TTC28: variants seen among roughly 807,000 people sequenced by gnomAD.
TTC28 encodes the protein tetratricopeptide repeat domain 28.
TTC28 carries 61 observed loss-of-function variants against 198.0 expected under a neutral mutation model. That is an observed-to-expected ratio of 0.31 (90% CI 0.25 to 0.38). The LOEUF (loss-of-function observed/expected upper bound fraction) is 0.38. Ranked by LOEUF, TTC28 falls within the 10% of genes least tolerant of loss-of-function variation. TTC28 has a pLI of 1.00. For synonymous variants in TTC28, 1,171 were observed against 1,297.8 expected (o/e 0.90, Z 2.10); for missense variants, 2,678 against 3,164.0 (o/e 0.85, Z 3.69).
intron 2 of TTC28, among the ~76,000 whole-genome samples, chr22:28,479,065 G>A (rs758172972): frequency 6.6e-5 from 10 of 151,968 alleles, no homozygotes; most frequent in Non-Finnish European, 8.8e-5. Context: ...CTCATTGTAC[G>A]TGTTCAAAGA....
At chr22:28,279,693 C>T (rs1175632084) in intron 5 of TTC28, among the ~76,000 whole-genome samples, 2 of 152,132 alleles carry the variant, frequency 1.3e-5, no homozygotes, top group African/African-American at 4.8e-5. Context: ...TTGACACACA[C>T]ATACACCTAG....
chr22:28,515,259 T>G (rs1026075203), intron 2 of TTC28, among the ~76,000 whole-genome samples: 6 of 152,172 alleles, frequency 3.9e-5, no homozygotes, highest in African/African-American at 1.4e-4. Flanking sequence ...TATTTAAAAA[T>G]TACTATATGG....
rs141741197 is a variant in TTC28, at chr22:28,630,637, C to T, written c.103-807G>A. On this transcript the variant is annotated intron_variant, in intron 1 of 22. Coordinates refer to ENST00000397906, the MANE Select transcript of TTC28 (RefSeq NM_001145418.2). ...GGCCAAATATTCCTTTATAGCCACA[C>T]AAAACAGACTAAGACATCATCTGAA... 4.5e-4 allele frequency among the ~76,000 whole-genome samples: 69 copies of T among 152,206 alleles called. No homozygotes were observed. The East Asian group carries it at 0.011, about 24-fold the overall frequency.
intron 2 of TTC28, among the ~76,000 whole-genome samples, chr22:28,355,248 T>C (rs1051613346): frequency 1.3e-5 from 2 of 152,004 alleles, no homozygotes; most frequent in African/African-American, 4.8e-5. Context: ...TGGAGGAAAA[T>C]ATTTCTAAAA....
rs34261097 is a variant in TTC28 at position 28,524,459 on chromosome 22, C to CAA, written c.381+105091_381+105092dup. 1.9e-3 allele frequency among the ~76,000 whole-genome samples: 115 copies of CAA among 59,192 alleles called. 2 individuals are homozygous for CAA. The highest frequency in any genetic ancestry group is 8.8e-3 in the East Asian group (19 of 2,148). The allele number at this position is 59,192 out of a possible 152,430, so 38.8% of individuals were successfully genotyped here. On this transcript the variant is annotated intron_variant, in intron 2 of 22. Transcript: ENST00000397906. Reference sequence around the variant, plus strand: ...TGGGCGACAGAGCCAGAAGCCAGCTCAAAAAAAAAAAAAAAAAAATATTCA... The same window carrying CAA: ...TGGGCGACAGAGCCAGAAGCCAGCTCAAAAAAAAAAAAAAAAAAAAATATTCA...
chr22:28,032,177 T>TATATATATATAAAATATATATATATAAA (rs1347270939), intron 12 of TTC28, among the ~76,000 whole-genome samples: 5 of 77,424 alleles, frequency 6.5e-5, no homozygotes, highest in African/African-American at 1.1e-4. Flanking sequence ...TGTATATATA[T>TATATATATATAAAATATATATATATAAA]ATATATATAT....
At chr22:28,015,309 C>T (rs2146586913) in intron 13 of TTC28, among the ~76,000 whole-genome samples, 1 of 151,872 alleles carries the variant, frequency 6.6e-6, no homozygotes, top group South Asian at 2.1e-4. Flanking sequence ...GTGGCCTGGC[C>T]ACTGTGGCCG....
At chr22:28,336,211 C>T (rs1251294355) in intron 2 of TTC28, among the ~76,000 whole-genome samples, 2 of 152,138 alleles carry the variant, frequency 1.3e-5, no homozygotes, top group African/African-American at 4.8e-5. Context: ...GGTGTATAAG[C>T]TTGTTGATGT....
chr22:28,081,454 T>C (rs1446964966), intron 12 of TTC28, among the ~76,000 whole-genome samples: 1 of 152,020 alleles, frequency 6.6e-6, no homozygotes, highest in African/African-American at 2.4e-5. Flanking sequence ...AAATGAATTT[T>C]AGAATTTTTT....
chr22:28,009,139 G>A (rs16985862), intron 14 of TTC28, among the ~76,000 whole-genome samples: 3,333 of 152,280 alleles, frequency 0.022, 41 homozygotes, highest in Non-Finnish European at 0.029. Context: ...TCAAAGATAA[G>A]CGGACATGCT....
intron 5 of TTC28, among the ~76,000 whole-genome samples, chr22:28,175,452 C>G (rs551847961): frequency 9.2e-5 from 14 of 152,272 alleles, no homozygotes; most frequent in African/African-American, 3.4e-4. Flanking sequence ...AATGGGCAGG[C>G]CAGGCCTGGT....
chr22:28,092,566 A>AT (rs1941846889), intron 12 of TTC28, among the ~76,000 whole-genome samples: 1 of 152,244 alleles, frequency 6.6e-6, no homozygotes, highest in African/African-American at 2.4e-5. Context: ...TTGGGTTTCT[A>AT]TTGCTGGCCA....
At chr22:28,119,355 C>A (rs1182453481) in intron 6 of TTC28, among the ~76,000 whole-genome samples, 3 of 152,212 alleles carry the variant, frequency 2.0e-5, no homozygotes, top group African/African-American at 7.2e-5. Flanking sequence ...CTGCCACTCC[C>A]TCTAGCATTA....
intron 2 of TTC28, among the ~76,000 whole-genome samples, chr22:28,458,868 G>C (rs534717417): frequency 1.4e-5 from 2 of 147,700 alleles, no homozygotes; most frequent in Non-Finnish European, 3.0e-5. Flanking sequence ...GTGACAGAGC[G>C]AGACTCCATC....
intron 2 of TTC28, among the ~76,000 whole-genome samples, chr22:28,393,685 C>T (rs9620791): frequency 6.6e-6 from 1 of 152,076 alleles, no homozygotes; most frequent in Admixed American, 6.5e-5. Flanking sequence ...CAGAGGGAGA[C>T]CCTGTCTTAA....
intron 2 of TTC28, among the ~76,000 whole-genome samples, chr22:28,431,325 G>C (rs116735067): frequency 1.7e-3 from 255 of 152,262 alleles, no homozygotes; most frequent in Middle Eastern, 0.01. Context: ...GCATGTCATT[G>C]AAACAGTCTC....
chr22:28,406,069 G>T, intron 2 of TTC28, among the ~76,000 whole-genome samples: 1 of 152,256 alleles, frequency 6.6e-6, no homozygotes, highest in South Asian at 2.1e-4. Flanking sequence ...ACCCTCCTGC[G>T]CTAAGCCCCA....
chr22:27,983,533 G>A lies in TTC28; in HGVS notation c.6134C>T (p.Thr2045Ile). Reference sequence around the variant, plus strand: ...TTCATCTTTGTTGCCTGCAGGGCGGGTCTGGGGAGGCAGCTGGCTCCTAGG... The same window carrying A: ...TTCATCTTTGTTGCCTGCAGGGCGGATCTGGGGAGGCAGCTGGCTCCTAGG... Reference protein sequence around the residue: ...TLPRSQLPPQTRPAGNKDEEE... With the variant: ...TLPRSQLPPQIRPAGNKDEEE... The change falls in exon 23 of 23, where the codon ACC (threonine) becomes ATC (isoleucine). Residue 2045 changes from threonine (T) to isoleucine (I), a missense_variant. Physicochemically the swap from Thr to Ile is moderately conservative, Grantham distance 89. This residue lies in a region of TTC28 where 622 missense variants were observed against 656.0 expected (regional missense o/e 0.95). Coordinates refer to ENST00000397906, the MANE Select transcript of TTC28 (RefSeq NM_001145418.2). 1 of 1,551,350 alleles carries A rather than the reference G, an allele frequency of 6.4e-7. No individual in the cohort carries two copies. Among genetic ancestry groups the A allele is most frequent in the African/African-American group, 1.4e-5 (1 of 73,130 alleles).
At chr22:28,497,399 A>G (rs2048471900) in intron 2 of TTC28, among the ~76,000 whole-genome samples, 1 of 152,232 alleles carries the variant, frequency 6.6e-6, no homozygotes, top group Non-Finnish European at 1.5e-5. Context: ...TATGCAAAGC[A>G]TTTACACAGT....
Sources: gnomAD v4.1 joint callset for allele counts (sites outside exome capture counted in the v4.1 genomes callset) on GRCh38, gnomAD v4.1.1 for gene constraint, gnomAD v4.1.1 regional missense constraint, MANE v1.5 for transcripts, NCBI Gene and HGNC (gene_info 2026-07-23, HGNC 2026-07-21) for gene names.